Variants in SYT16 observed in about 807,000 individuals in gnomAD.
The protein encoded by SYT16 is synaptotagmin 16.
Under a neutral mutation model 61.4 loss-of-function variants are expected in SYT16, and 42 were observed. The observed-to-expected ratio is 0.68, with a 90% CI of 0.53 to 0.89. The LOEUF (loss-of-function observed/expected upper bound fraction) is 0.89. SYT16 is among the 40% of genes least tolerant of loss of function. The pLI is 0.00. For synonymous variants in SYT16, 314 were observed against 302.3 expected, an observed-to-expected ratio of 1.04 and a Z score of -0.40; for missense variants, 804 against 807.3, an observed-to-expected ratio of 1.00 and a Z score of 0.05.
chr14:62,000,591 GATTT>G (rs1271726374), intron 3 of SYT16, among the ~76,000 whole-genome samples: 2 of 151,838 alleles, frequency 1.3e-5, no homozygotes. Flanking sequence ...TTGCTAGATT[GATTT>G]GTTTGTTCCA....
chr14:62,008,039 G>A (rs1321285863), intron 3 of SYT16, among the ~76,000 whole-genome samples: 4 of 151,750 alleles, frequency 2.6e-5, no homozygotes, highest in African/African-American at 4.8e-5. Context: ...AATCAATAAG[G>A]TCTTTTTTCA....
intron 3 of SYT16, among the ~76,000 whole-genome samples, chr14:62,043,407 CTTTTT>C (rs1203186408): frequency 8.2e-6 from 1 of 122,558 alleles, no homozygotes; most frequent in Non-Finnish European, 1.7e-5. Context: ...ATTTTTCTTT[CTTTTT>C]TTTTTTTTTT....
intron 7 of SYT16, among the ~76,000 whole-genome samples, chr14:62,089,782 C>T (rs2057009574): frequency 1.3e-5 from 2 of 152,296 alleles, no homozygotes; most frequent in African/African-American, 4.8e-5. Flanking sequence ...CAAATGATAA[C>T]CTCCAGGTCT....
chr14:61,892,665 A>C, intron 1 of SYT16, among the ~76,000 whole-genome samples: 1 of 152,092 alleles, frequency 6.6e-6, no homozygotes, highest in Admixed American at 6.6e-5. Context: ...TGATGTGGGG[A>C]CCAAGAGGCT....
chr14:61,962,749 G>T (rs1173041399), intron 1 of SYT16, among the ~76,000 whole-genome samples: 1 of 151,728 alleles, frequency 6.6e-6, no homozygotes, highest in Non-Finnish European at 1.5e-5. Context: ...TTGTCTTTGA[G>T]TTCACTCATT....
intron 1 of SYT16, among the ~76,000 whole-genome samples, chr14:61,827,771 G>A (rs2140228659): frequency 6.6e-6 from 1 of 152,082 alleles, no homozygotes; most frequent in African/African-American, 2.4e-5. Context: ...CTGAACTTCT[G>A]TCTACTTAGA....
At chr14:61,934,431 T>C in intron 1 of SYT16, among the ~76,000 whole-genome samples, 1 of 152,244 alleles carries the variant, frequency 6.6e-6, no homozygotes. Flanking sequence ...GAATGCTTTA[T>C]GAATGTGTAA....
chr14:61,971,295 A>C (rs2051543411), intron 2 of SYT16, among the ~76,000 whole-genome samples: 3 of 152,186 alleles, frequency 2.0e-5, no homozygotes, highest in Admixed American at 2.0e-4. Flanking sequence ...TGAAGTTCAG[A>C]AATTGAGGAG....
intron 1 of SYT16, among the ~76,000 whole-genome samples, chr14:61,840,322 T>A (rs565656053): frequency 6.6e-6 from 1 of 152,236 alleles, no homozygotes; most frequent in East Asian, 1.9e-4. Flanking sequence ...TTGGTGGTTT[T>A]AGTTTTGGGA....
upstream of SYT16, chr14:61,812,631 C>CGCGGGGCGGCGCGGGGCGGCGCG (rs2045301974): frequency 6.9e-6 from 1 of 145,404 alleles, no homozygotes; most frequent in Non-Finnish European, 1.5e-5. Context: ...GGCTGCTGGG[C>CGCGGGGCGGCGCGGGGCGGCGCG]GCGGGGCGGC....
At chr14:62,086,763 G>A (rs1224560093) in intron 7 of SYT16, among the ~76,000 whole-genome samples, 1 of 152,202 alleles carries the variant, frequency 6.6e-6, no homozygotes, top group East Asian at 1.9e-4. Flanking sequence ...TATTCCAGAA[G>A]TTTAAGTCTA....
intron 1 of SYT16, among the ~76,000 whole-genome samples, chr14:61,842,683 C>G (rs900190624): frequency 6.6e-6 from 1 of 151,846 alleles, no homozygotes; most frequent in Non-Finnish European, 1.5e-5. Context: ...GGACAAAAAA[C>G]CAAACACCGC....
intron 1 of SYT16, among the ~76,000 whole-genome samples, chr14:61,881,836 C>A (rs1041793447): frequency 6.6e-6 from 1 of 152,188 alleles, no homozygotes; most frequent in Non-Finnish European, 1.5e-5. Context: ...CAGTCCCCCT[C>A]CTCCACTAGT....
intron 3 of SYT16, among the ~76,000 whole-genome samples, chr14:62,067,645 A>G (rs1202060481): frequency 6.6e-6 from 1 of 152,202 alleles, no homozygotes; most frequent in Non-Finnish European, 1.5e-5. Flanking sequence ...ACTCTAGCAT[A>G]CTGTTGCTGG....
At chr14:61,813,119 T>C (rs2045319635) in intron 1 of SYT16, among the ~76,000 whole-genome samples, 2 of 152,364 alleles carry the variant, frequency 1.3e-5, no homozygotes, top group African/African-American at 2.4e-5. Flanking sequence ...GAGCCAGCCT[T>C]CAGCGAGCCG....
At chr14:61,871,206 A>C (rs2047321490) in intron 1 of SYT16, among the ~76,000 whole-genome samples, 1 of 151,862 alleles carries the variant, frequency 6.6e-6, no homozygotes, top group African/African-American at 2.4e-5. Context: ...TTTATACTCT[A>C]TATATTAGTA....
At chr14:61,890,190 A>C (rs996926298) in intron 1 of SYT16, among the ~76,000 whole-genome samples, 3 of 152,180 alleles carry the variant, frequency 2.0e-5, no homozygotes, top group Non-Finnish European at 4.4e-5. Context: ...TGAAAACAGT[A>C]AGAAAGGCTG....
intron 1 of SYT16, among the ~76,000 whole-genome samples, chr14:61,938,026 A>AACACACACACAC (rs3071213): frequency 0.12 from 16,888 of 135,536 alleles, 1,398 homozygotes; most frequent in African/African-American, 0.22. Flanking sequence ...CCTACCCCGC[A>AACACACACACAC]ACACACACAC....
intron 1 of SYT16, among the ~76,000 whole-genome samples, chr14:61,892,815 A>G (rs1281248334): frequency 1.3e-5 from 2 of 152,184 alleles, no homozygotes; most frequent in Non-Finnish European, 2.9e-5. Flanking sequence ...AAGAAAACTA[A>G]GGCACCATTA....
Sources: gnomAD v4.1 joint callset for allele counts (sites outside exome capture counted in the v4.1 genomes callset) on GRCh38, gnomAD v4.1.1 for gene constraint, MANE v1.5 for transcripts, NCBI Gene and HGNC (gene_info 2026-07-23, HGNC 2026-07-21) for gene names.